The following FBXW7 variants were observed in gnomAD, a reference collection of about 807,000 sequenced individuals.
FBXW7 encodes the protein F-box/WD repeat-containing protein 7.
FBXW7 carries 11 observed loss-of-function variants against 86.3 expected under a neutral mutation model. The ratio of observed to expected loss-of-function variants is 0.13; its 90% CI spans 0.08 to 0.21. The LOEUF (loss-of-function observed/expected upper bound fraction) is 0.21. FBXW7 is among the 10% of genes least tolerant of loss of function. FBXW7 has a pLI of 1.00. For synonymous variants in FBXW7, 313 were observed against 297.9 expected (o/e 1.05, Z -0.52); for missense variants, 488 against 847.4 (o/e 0.58, Z 5.27).
intron 2 of FBXW7, among the ~76,000 whole-genome samples, chr4:152,532,647 GT>G (rs1364868857): frequency 6.6e-6 from 1 of 152,086 alleles, no homozygotes; most frequent in Non-Finnish European, 1.5e-5. Context: ...ACTTCAATTA[GT>G]TCTATATGTA....
At chr4:152,491,085 C>G (rs1385381740) in intron 2 of FBXW7, among the ~76,000 whole-genome samples, 7 of 152,064 alleles carry the variant, frequency 4.6e-5, no homozygotes, top group African/African-American at 1.7e-4. Context: ...ATTTGAGAAC[C>G]AACTGACAGG....
intron 2 of FBXW7, among the ~76,000 whole-genome samples, chr4:152,414,531 A>T (rs1335111378): frequency 6.6e-6 from 1 of 152,178 alleles, no homozygotes; most frequent in Non-Finnish European, 1.5e-5. Flanking sequence ...GTGTTGTTAC[A>T]GTTCTGCTAA....
chr4:152,497,770 T>TA (rs1746501797), intron 2 of FBXW7, among the ~76,000 whole-genome samples: 1 of 152,210 alleles, frequency 6.6e-6, no homozygotes, highest in African/African-American at 2.4e-5. Flanking sequence ...TACTTTCAGG[T>TA]ATCTATCCTA....
intron 4 of FBXW7, among the ~76,000 whole-genome samples, chr4:152,392,716 G>C (rs1382751429): frequency 6.6e-6 from 1 of 152,106 alleles, no homozygotes; most frequent in Non-Finnish European, 1.5e-5. Context: ...CTCTAAGTTG[G>C]TTTATAGTCA....
intron 2 of FBXW7, among the ~76,000 whole-genome samples, chr4:152,471,191 A>G (rs867682556): frequency 2.7e-4 from 16 of 59,386 alleles, no homozygotes; most frequent in African/African-American, 1.2e-3. Flanking sequence ...AAAAGGTGGG[A>G]AAAAAAATAA....
intron 5 of FBXW7, among the ~76,000 whole-genome samples, 183 bp downstream of exon 5, chr4:152,349,859 T>G (rs763418859): frequency 6.6e-6 from 1 of 151,830 alleles, no homozygotes; most frequent in Non-Finnish European, 1.5e-5. Flanking sequence ...TAACAAAACA[T>G]AAACTAAGGT....
intron 11 of FBXW7, among the ~76,000 whole-genome samples, chr4:152,327,337 A>T (rs75272747): frequency 0.017 from 2,589 of 152,088 alleles, 46 homozygotes; most frequent in East Asian, 0.043. Flanking sequence ...GCTTAATGTA[A>T]TTGTTCTTAA....
At chr4:152,445,922 A>T (rs1199812912) in intron 2 of FBXW7, among the ~76,000 whole-genome samples, 6 of 54,854 alleles carry the variant, frequency 1.1e-4, no homozygotes, top group African/African-American at 1.0e-3. Context: ...AAAAAAAAAA[A>T]AAAAAAAAAA....
intron 2 of FBXW7, among the ~76,000 whole-genome samples, chr4:152,453,920 T>C (rs1742152077): frequency 6.6e-6 from 1 of 152,126 alleles, no homozygotes; most frequent in African/African-American, 2.4e-5. Context: ...ATATTAGCAA[T>C]ATTGCTTTAT....
intron 2 of FBXW7, among the ~76,000 whole-genome samples, chr4:152,521,319 C>G (rs1748990307): frequency 6.6e-6 from 1 of 152,032 alleles, no homozygotes; most frequent in African/African-American, 2.4e-5. Flanking sequence ...TAAGTAGGGT[C>G]TGAAGAGACA....
intron 2 of FBXW7, among the ~76,000 whole-genome samples, chr4:152,424,730 G>C (rs1414233424): frequency 6.6e-6 from 1 of 152,130 alleles, no homozygotes; most frequent in East Asian, 1.9e-4. Context: ...ACTTATCAAA[G>C]GTACATAGGG....
intron 2 of FBXW7, among the ~76,000 whole-genome samples, chr4:152,518,312 T>C (rs1227666883): frequency 1.3e-5 from 2 of 152,086 alleles, no homozygotes; most frequent in East Asian, 1.9e-4. Context: ...ATTTATATAT[T>C]TGAAACAGGG....
At chr4:152,346,452 A>G (rs1395395621) in intron 6 of FBXW7, among the ~76,000 whole-genome samples, 3 of 152,328 alleles carry the variant, frequency 2.0e-5, no homozygotes, top group Non-Finnish European at 2.9e-5. Context: ...AGTTACACAA[A>G]TAAGTATTGG....
chr4:152,497,115 G>A lies in FBXW7; in HGVS notation c.-120+37826C>T, dbSNP rs1746422289. 2.6e-5 allele frequency among the ~76,000 whole-genome samples: 4 copies of A among 152,040 alleles called. No individual in the cohort carries two copies. The South Asian group carries it at 8.3e-4, about 32-fold the overall frequency. ...AGGCGGGCAGATCACCCGAGGTCAG[G>A]AGTTGGAGACCAGCCTGGACAACAC... On this transcript the variant is annotated intron_variant, in intron 2 of 13. Transcript: ENST00000281708.
At chr4:152,328,122 A>T in intron 11 of FBXW7, 86 bp downstream of exon 11, 1 of 1,029,758 alleles carries the variant, frequency 9.7e-7, no homozygotes, top group Non-Finnish European at 1.4e-6. Flanking sequence ...GCACACTGTC[A>T]CTATTTCAGT....
Position 152,412,947 on chromosome 4 carries a change from A to G in FBXW7, c.-119-418T>C, listed in dbSNP as rs35622700. Among the ~76,000 whole-genome samples the G allele has an allele frequency of 9.0e-4, 137 of 152,218 alleles. 1 individual carries two copies. Among genetic ancestry groups the G allele is most frequent in the African/African-American group, 3.2e-3 (133 of 41,566 alleles). On this transcript the variant is annotated intron_variant, in intron 2 of 13. Transcript: ENST00000281708. ...TTTTTAACCTAGGCTCTAGAATTTT[A>G]TCTGATACAGCATCTTTTCATGATA... is the stretch of plus-strand genomic sequence containing the variant.
intron 6 of FBXW7, among the ~76,000 whole-genome samples, chr4:152,343,414 C>T (rs933285688): frequency 6.6e-6 from 1 of 152,056 alleles, no homozygotes; most frequent in Admixed American, 6.6e-5. Context: ...CAATATATTT[C>T]CAAGTATAAC....
chr4:152,439,233 A>G (rs1740654142), intron 2 of FBXW7, among the ~76,000 whole-genome samples: 1 of 148,200 alleles, frequency 6.7e-6, no homozygotes, highest in African/African-American at 2.5e-5. Context: ...TCCCACGTTA[A>G]TTTTTTTTTT....
chr4:152,353,488 A>G (rs1732058813), intron 4 of FBXW7, among the ~76,000 whole-genome samples: 1 of 152,186 alleles, frequency 6.6e-6, no homozygotes, highest in South Asian at 2.1e-4. Context: ...AATTCTTACT[A>G]ATCATAAGAA....
Sources: allele counts gnomAD v4.1 joint callset (sites outside exome capture counted in the v4.1 genomes callset), GRCh38; gene constraint gnomAD v4.1.1; transcripts MANE v1.5; gene names NCBI Gene and HGNC (gene_info 2026-07-23, HGNC 2026-07-21).